The following MRPS9 variants were observed in gnomAD, a reference collection of about 807,000 sequenced individuals.
The protein encoded by MRPS9 is mitochondrial ribosomal protein S9.
A neutral mutation model predicts 59.9 loss-of-function variants in MRPS9; 45 were observed. That is an observed-to-expected ratio of 0.75 (90% CI 0.59 to 0.96). The LOEUF is 0.96. MRPS9 is among the 40% of genes least tolerant of loss of function. The probability of loss-of-function intolerance (pLI) is 0.00; values close to 1 mark genes in which losing one functional copy is unlikely to be tolerated. For missense variants in MRPS9, 473 were observed against 481.1 expected, an observed-to-expected ratio of 0.98 and a Z score of 0.16; for synonymous variants, 171 against 166.8, an observed-to-expected ratio of 1.03 and a Z score of -0.19.
intron 1 of MRPS9, among the ~76,000 whole-genome samples, chr2:105,045,730 G>T (rs1679580677): frequency 1.3e-5 from 2 of 149,524 alleles, no homozygotes; most frequent in Admixed American, 1.3e-4. Context: ...ACATACAAAA[G>T]AAACCAACCA....
chr2:105,067,972 C>T (rs1484389005), intron 2 of MRPS9, among the ~76,000 whole-genome samples: 1 of 152,152 alleles, frequency 6.6e-6, no homozygotes, highest in Non-Finnish European at 1.5e-5. Context: ...GGACTACAGT[C>T]ATGTGCCACC....
Position 105,092,548 on chromosome 2 carries a change from A to G in MRPS9, c.799A>G (p.Met267Val), listed in dbSNP as rs751802531. ...ACCTGTACAGTATGATGAGCAAGGA[A>G]TGGCCTTTAGCAAAAGTGAAGGTAA... ...IEPVQYDEQG[M>V]AFSKSEGKRK... is the part of the protein sequence containing the mutation. The change falls in exon 8 of 11, where the codon ATG becomes GTG. Residue 267 changes from methionine (M) to valine (V), a missense_variant. Transcript: ENST00000258455. 3.1e-5 allele frequency: 50 copies of G among 1,591,322 alleles called. No individual in the cohort carries two copies. The highest frequency in any genetic ancestry group is 3.7e-5 in the Non-Finnish European group (43 of 1,170,454).
intron 2 of MRPS9, among the ~76,000 whole-genome samples, chr2:105,051,904 C>T (rs868291625): frequency 2.0e-5 from 3 of 152,102 alleles, no homozygotes; most frequent in Admixed American, 2.0e-4. Flanking sequence ...CCTTGCTGAA[C>T]TTACTAATTC....
chr2:105,073,039 C>T (rs1680142995), intron 4 of MRPS9, among the ~76,000 whole-genome samples: 1 of 152,116 alleles, frequency 6.6e-6, no homozygotes, highest in Non-Finnish European at 1.5e-5. Flanking sequence ...GCACAGGGCA[C>T]AGTAACTTAC....
chr2:105,083,058 A>C (rs1300211408), intron 5 of MRPS9, among the ~76,000 whole-genome samples: 2 of 152,116 alleles, frequency 1.3e-5, no homozygotes, highest in African/African-American at 4.8e-5. Context: ...CCAAAAATGG[A>C]TGGCTTCTCA....
intron 1 of MRPS9, among the ~76,000 whole-genome samples, chr2:105,048,105 T>C (rs919729460): frequency 1.3e-5 from 2 of 151,992 alleles, no homozygotes; most frequent in African/African-American, 4.8e-5. Context: ...CCAACCCAAA[T>C]GTCCAACAAT....
At chr2:105,089,128 A>C in intron 6 of MRPS9, 59 bp downstream of exon 6, 2 of 1,346,084 alleles carry the variant, frequency 1.5e-6, no homozygotes, top group Non-Finnish European at 2.1e-6. Context: ...CATGCCACTC[A>C]TTGGTATTTT....
At chr2:105,050,341 T>C (rs1459916250) in intron 2 of MRPS9, among the ~76,000 whole-genome samples, 5 of 152,184 alleles carry the variant, frequency 3.3e-5, no homozygotes, top group Admixed American at 6.5e-5. Context: ...GGTTTTACCA[T>C]GTTGGTCAGG....
At chr2:105,077,057 G>A (rs911146876) in intron 4 of MRPS9, among the ~76,000 whole-genome samples, 2 of 152,108 alleles carry the variant, frequency 1.3e-5, no homozygotes, top group African/African-American at 4.8e-5. Flanking sequence ...GACCAGCCTG[G>A]CCAACATGGG....
chr2:105,049,309 A>G lies in MRPS9; in HGVS notation c.274A>G (p.Met92Val). 6.2e-7 allele frequency: 1 copy of G among 1,611,960 alleles called. No individual in the cohort carries two copies. The highest frequency in any genetic ancestry group is 8.5e-7 in the Non-Finnish European group (1 of 1,179,476). The change falls in exon 2 of 11, where the codon ATG becomes GTG. Residue 92 changes from methionine to valine, a missense_variant. Coordinates refer to ENST00000258455, the MANE Select transcript of MRPS9 (RefSeq NM_182640.3). ...NIGKRHLANM[M>V]GEDPETFTQE... ...AGGAAAGAGACATTTAGCCAACATG[A>G]TGGGAGAAGATCCAGAAACTTTCAC...
At chr2:105,092,634 T>A in intron 8 of MRPS9, 65 bp downstream of exon 8, 4 of 1,299,500 alleles carry the variant, frequency 3.1e-6, no homozygotes, top group African/African-American at 3.0e-5. Flanking sequence ...TTATTTTTAT[T>A]TGCTATTGCT....
intron 5 of MRPS9, among the ~76,000 whole-genome samples, chr2:105,086,339 C>A (rs1378268200): frequency 6.6e-6 from 1 of 152,060 alleles, no homozygotes; most frequent in Non-Finnish European, 1.5e-5. Context: ...GTTGTTTTCT[C>A]CTCTTCCACA....
In MRPS9 at chr2:105,038,369, G is replaced by A. The variant is rs530903113; in HGVS notation, c.135+142G>A. On this transcript the variant is annotated intron_variant, in intron 1 of 10. Coordinates refer to ENST00000258455, the MANE Select transcript of MRPS9 (RefSeq NM_182640.3). ...GTATTTAGTGGAGGTCTGAGGTTGG[G>A]GGGGAGGAGGTGGGTATTGGCGTGC... The A allele has an allele frequency of 7.1e-6, 8 of 1,128,090 alleles. No individual in the cohort carries two copies. In the East Asian group the frequency reaches 1.6e-4, roughly 22 times the overall value. The allele number at this position is 1,128,090 out of a possible 1,614,324, so 69.9% of individuals were successfully genotyped here.
chr2:105,077,593 A>G (rs1680239055), intron 4 of MRPS9, among the ~76,000 whole-genome samples: 1 of 152,226 alleles, frequency 6.6e-6, no homozygotes, highest in South Asian at 2.1e-4. Flanking sequence ...AAATGCACAG[A>G]GAGTCCAGAA....
intron 2 of MRPS9, among the ~76,000 whole-genome samples, chr2:105,065,828 T>C (rs1037640041): frequency 1.3e-5 from 2 of 152,218 alleles, no homozygotes; most frequent in African/African-American, 4.8e-5. Flanking sequence ...CTCAAAAGGA[T>C]ATTCATCTAC....
At chr2:105,072,285 G>T (rs949319787) in intron 4 of MRPS9, among the ~76,000 whole-genome samples, 25 of 152,124 alleles carry the variant, frequency 1.6e-4, no homozygotes, top group Admixed American at 2.0e-4. Flanking sequence ...ATGCATCATC[G>T]CAGTCTTTCA....
At chr2:105,041,994 A>C (rs1031777414) in intron 1 of MRPS9, among the ~76,000 whole-genome samples, 1 of 152,260 alleles carries the variant, frequency 6.6e-6, no homozygotes, top group Non-Finnish European at 1.5e-5. Flanking sequence ...TTGTAAAACA[A>C]GATAACTAAA....
Position 105,067,666 on chromosome 2 carries a change from C to G in MRPS9, c.316-3647C>G, listed in dbSNP as rs140102853. Among the ~76,000 whole-genome samples, 286 of 152,186 alleles carry G rather than the reference C, an allele frequency of 1.9e-3. 3 individuals are homozygous for G. The highest frequency in any genetic ancestry group is 0.01 in the Middle Eastern group (3 of 294). ...GTTGTAAAATGGTGATTTTCTACTT[C>G]TGTCACTCCTTTTACTTTTATAACA... On this transcript the variant is annotated intron_variant, in intron 2 of 10. Coordinates refer to ENST00000258455, the MANE Select transcript of MRPS9 (RefSeq NM_182640.3).
intron 2 of MRPS9, among the ~76,000 whole-genome samples, chr2:105,067,509 T>C: frequency 6.6e-6 from 1 of 152,194 alleles, no homozygotes; most frequent in East Asian, 1.9e-4. Flanking sequence ...AAAAGTAGCC[T>C]TTTCCCTTTG....
Sources: gnomAD v4.1 joint callset for allele counts (sites outside exome capture counted in the v4.1 genomes callset) on GRCh38, gnomAD v4.1.1 for gene constraint, MANE v1.5 for transcripts, NCBI Gene and HGNC (gene_info 2026-07-23, HGNC 2026-07-21) for gene names.